The following RRBP1 variants were observed in gnomAD, a reference collection of about 807,000 sequenced individuals.
RRBP1 encodes the protein ribosome binding protein 1.
RRBP1 carries 94 observed loss-of-function variants against 165.2 expected under a neutral mutation model. The ratio of observed to expected loss-of-function variants is 0.57; its 90% CI spans 0.48 to 0.68. The LOEUF (loss-of-function observed/expected upper bound fraction) is 0.68, where lower values mean the gene tolerates loss of function less well. Ranked by LOEUF, RRBP1 falls within the 30% of genes least tolerant of loss-of-function variation. The pLI is 0.00. For synonymous variants in RRBP1, 680 were observed against 714.5 expected (o/e 0.95, Z 0.77); for missense variants, 1,676 against 1,763.0 (o/e 0.95, Z 0.88).
intron 13 of RRBP1, among the ~76,000 whole-genome samples, chr20:17,624,184 G>A (rs1243437079): frequency 1.3e-5 from 2 of 152,226 alleles, no homozygotes; most frequent in Non-Finnish European, 2.9e-5. Context: ...AAGAAGGGAA[G>A]GACGGCAGGG....
chr20:17,615,935 C>T lies in RRBP1; in HGVS notation c.3942G>A (p.Glu1314=). 6.2e-7 allele frequency: 1 copy of T among 1,610,078 alleles called. No homozygotes were observed. The highest frequency in any genetic ancestry group is 2.2e-5 in the East Asian group (1 of 44,874). ...CCAGGCAGGGCCTGACCTCCTCAAA[C>T]TCGGCCGTGAGCTTCTGCCGCTGTG... ...EQTQRQKLTA[E]FEEAQTSACR... is the part of the protein sequence containing the mutation. The change falls in exon 22 of 25, where the codon GAG becomes GAA. Residue 1314 remains glutamate (E), a synonymous_variant. Transcript: ENST00000377813.
intron 5 of RRBP1, among the ~76,000 whole-genome samples, chr20:17,641,282 A>G (rs2036352187): frequency 6.6e-6 from 1 of 152,228 alleles, no homozygotes; most frequent in Admixed American, 6.5e-5. Flanking sequence ...GTGCCACGCC[A>G]TCCGCTGATA....
intron 5 of RRBP1, 35 bp from the exon 6 acceptor site, chr20:17,636,764 G>C (rs1461837426): frequency 6.8e-6 from 11 of 1,610,230 alleles, no homozygotes; most frequent in Non-Finnish European, 9.3e-6. Flanking sequence ...GGGCTGGTAA[G>C]CCTTGCAGGG....
intron 6 of RRBP1, 83 bp downstream of exon 6, chr20:17,636,494 C>A: frequency 6.6e-7 from 1 of 1,523,220 alleles, no homozygotes; most frequent in Non-Finnish European, 8.9e-7. Flanking sequence ...ATGCCTCACC[C>A]TTTGGGCCTC....
intron 5 of RRBP1, among the ~76,000 whole-genome samples, chr20:17,638,845 A>G (rs2036294822): frequency 6.6e-6 from 1 of 151,996 alleles, no homozygotes; most frequent in Non-Finnish European, 1.5e-5. Context: ...CTCATGGTGT[A>G]AGCTTTGAGG....
At chr20:17,629,720 A>G (rs896577320) in intron 9 of RRBP1, 103 bp downstream of exon 9, 12 of 1,249,444 alleles carry the variant, frequency 9.6e-6, no homozygotes, top group Non-Finnish European at 2.2e-6. Flanking sequence ...CCCTCACCCA[A>G]CAGGCCTAAC....
At chr20:17,651,424 A>G (rs1332841015) in intron 3 of RRBP1, among the ~76,000 whole-genome samples, 2 of 152,266 alleles carry the variant, frequency 1.3e-5, no homozygotes, top group Non-Finnish European at 1.5e-5. Flanking sequence ...GTGTATGTAC[A>G]TCATTGCAGC....
intron 9 of RRBP1, among the ~76,000 whole-genome samples, chr20:17,628,096 C>T (rs78482297): frequency 0.049 from 7,502 of 152,102 alleles, 623 homozygotes; most frequent in African/African-American, 0.17. Flanking sequence ...CCCTCAACCC[C>T]CAAGACCTCT....
intron 8 of RRBP1, 97 bp downstream of exon 8, chr20:17,633,363 C>A: frequency 3.0e-6 from 4 of 1,344,532 alleles, no homozygotes; most frequent in Non-Finnish European, 4.1e-6. Context: ...GAAACGGGTG[C>A]CCAGTGTGGC....
chr20:17,681,338 G>T (rs1048664221), intron 1 of RRBP1, among the ~76,000 whole-genome samples: 1 of 147,284 alleles, frequency 6.8e-6, no homozygotes, highest in African/African-American at 2.5e-5. Flanking sequence ...CGCACTCCGG[G>T]AAGTTGCCAC....
At chr20:17,681,851 C>A (rs866684979) in intron 1 of RRBP1, among the ~76,000 whole-genome samples, 177 bp downstream of exon 1, 34 of 146,844 alleles carry the variant, frequency 2.3e-4, no homozygotes, top group Admixed American at 4.0e-4. Context: ...CACCCCCGCC[C>A]CGAGTCCGAC....
chr20:17,636,552 T>C, intron 6 of RRBP1, 25 bp downstream of exon 6: 1 of 1,605,978 alleles, frequency 6.2e-7, no homozygotes, highest in South Asian at 1.1e-5. Context: ...TCCCTTCCCA[T>C]GCCCCCGCCA....
intron 2 of RRBP1, among the ~76,000 whole-genome samples, chr20:17,673,137 T>A (rs2037011180): frequency 6.6e-6 from 1 of 152,236 alleles, no homozygotes; most frequent in African/African-American, 2.4e-5. Context: ...ATAAAGAGTT[T>A]AAAATGTGTG....
At chr20:17,627,885 A>G (rs1479129365) in intron 9 of RRBP1, among the ~76,000 whole-genome samples, 1 of 152,198 alleles carries the variant, frequency 6.6e-6, no homozygotes, top group Non-Finnish European at 1.5e-5. Context: ...CTCTGGCATC[A>G]CTTCTGAGAA....
At chr20:17,640,354 AGAG>A (rs2036329583) in intron 5 of RRBP1, among the ~76,000 whole-genome samples, 1 of 152,232 alleles carries the variant, frequency 6.6e-6, no homozygotes, top group African/African-American at 2.4e-5. Flanking sequence ...GGGAAGAGCA[AGAG>A]GAGAGCCCCA....
chr20:17,650,556 G>A (rs541643420), intron 3 of RRBP1, among the ~76,000 whole-genome samples: 10 of 152,342 alleles, frequency 6.6e-5, no homozygotes, highest in Admixed American at 5.2e-4. Flanking sequence ...AGTGCAACAA[G>A]TACCCTGCAT....
intron 2 of RRBP1, among the ~76,000 whole-genome samples, chr20:17,670,705 A>G (rs1296800496): frequency 6.6e-6 from 1 of 152,222 alleles, no homozygotes; most frequent in Non-Finnish European, 1.5e-5. Context: ...TATCCTTGAG[A>G]AGTTCCTTTA....
At chr20:17,644,482 C>A (rs1163570387) in intron 3 of RRBP1, among the ~76,000 whole-genome samples, 1 of 152,216 alleles carries the variant, frequency 6.6e-6, no homozygotes, top group Non-Finnish European at 1.5e-5. Context: ...GTTCACATTT[C>A]GGTTCCCAGC....
In RRBP1 at chr20:17,629,969, C is replaced by T. The variant is rs749972839; in HGVS notation, c.2611-8G>A. The T allele has an allele frequency of 1.8e-5, 29 of 1,591,700 alleles. No individual in the cohort carries two copies. The highest frequency in any genetic ancestry group is 9.4e-5 in the African/African-American group (7 of 74,754). ...ACTCTCCCTGTGGGACGCCTGGGGA[C>T]GGGCAGGGGAGTGGGGCAGTGAAGA... On this transcript the variant is annotated splice_polypyrimidine_tract_variant and splice_region_variant and intron_variant, in intron 8 of 24. Coordinates refer to ENST00000377813, the MANE Select transcript of RRBP1 (RefSeq NM_001365613.2).
Sources: gnomAD v4.1 joint callset for allele counts (sites outside exome capture counted in the v4.1 genomes callset) on GRCh38, gnomAD v4.1.1 for gene constraint, MANE v1.5 for transcripts, NCBI Gene and HGNC (gene_info 2026-07-23, HGNC 2026-07-21) for gene names.